FER: variants seen among roughly 807,000 people sequenced by gnomAD.
FER encodes the protein tyrosine-protein kinase Fer.
A neutral mutation model predicts 111.0 loss-of-function variants in FER; 63 were observed. That is an observed-to-expected ratio of 0.57 (90% CI 0.46 to 0.70). FER has a LOEUF of 0.70. FER is among the 30% of genes least tolerant of loss of function. The pLI is 0.00. For missense variants in FER, 914 were observed against 954.0 expected (o/e 0.96, Z 0.55); for synonymous variants, 327 against 313.9 (o/e 1.04, Z -0.44).
At chr5:108,811,791 C>G (rs2150078737) in intron 3 of FER, among the ~76,000 whole-genome samples, 1 of 152,234 alleles carries the variant, frequency 6.6e-6, no homozygotes, top group East Asian at 1.9e-4. Flanking sequence ...GGCCCAAAAA[C>G]CTAGAGTTCT....
Position 109,050,182 on chromosome 5 carries a change from A to G in FER, c.1924+2984A>G, listed in dbSNP as rs368645196. Among the ~76,000 whole-genome samples the G allele has an allele frequency of 2.4e-4, 36 of 150,750 alleles. 1 individual carries two copies. The highest frequency in any genetic ancestry group is 8.5e-4 in the African/African-American group (35 of 41,252). The stretch of plus-strand genomic sequence containing the variant: ...AAAGGAAATTCATTTCAGTAATAGC[A>G]TTACTGCTATATCCTAAAAAAAAGA... On this transcript the variant is annotated intron_variant, in intron 16 of 19. Coordinates refer to ENST00000281092, the MANE Select transcript of FER (RefSeq NM_005246.4).
intron 5 of FER, among the ~76,000 whole-genome samples, chr5:108,866,264 G>A (rs1764045741): frequency 6.6e-6 from 1 of 152,126 alleles, no homozygotes; most frequent in South Asian, 2.1e-4. Flanking sequence ...CATAAAAAAG[G>A]ATGAGTTCAT....
At chr5:108,842,048 AT>A (rs1297865152) in intron 5 of FER, among the ~76,000 whole-genome samples, 2 of 152,130 alleles carry the variant, frequency 1.3e-5, no homozygotes, top group Non-Finnish European at 2.9e-5. Flanking sequence ...TGAAATTGTG[AT>A]TTTTTTGATG....
chr5:109,121,936 A>G (rs1751031350), intron 17 of FER, among the ~76,000 whole-genome samples: 1 of 152,096 alleles, frequency 6.6e-6, no homozygotes, highest in Admixed American at 6.5e-5. Context: ...AGTATCAGTT[A>G]TAATGTTTCC....
intron 16 of FER, among the ~76,000 whole-genome samples, chr5:109,050,275 A>G (rs748652562): frequency 6.6e-6 from 1 of 152,236 alleles, no homozygotes. Flanking sequence ...AAAACATTTT[A>G]GGAGAAAAAA....
At chr5:108,760,360 G>A (rs1751594284) in intron 1 of FER, among the ~76,000 whole-genome samples, 1 of 152,172 alleles carries the variant, frequency 6.6e-6, no homozygotes, top group African/African-American at 2.4e-5. Flanking sequence ...AAAGTCACCA[G>A]CTGCATTAGC....
At chr5:109,036,822 A>T (rs1770471718) in intron 13 of FER, among the ~76,000 whole-genome samples, 1 of 151,952 alleles carries the variant, frequency 6.6e-6, no homozygotes, top group South Asian at 2.1e-4. Flanking sequence ...AGATAATGGG[A>T]TGCTCTCTTT....
At chr5:109,051,930 A>G (rs1247593336) in intron 16 of FER, 4 of 1,582,106 alleles carry the variant, frequency 2.5e-6, no homozygotes, top group Non-Finnish European at 3.5e-6. Context: ...AGCTGAATCC[A>G]TAGATGTACC....
intron 8 of FER, among the ~76,000 whole-genome samples, chr5:108,873,761 A>G (rs576248026): frequency 6.6e-6 from 1 of 152,186 alleles, no homozygotes; most frequent in Admixed American, 6.5e-5. Context: ...TCCAGGGGAC[A>G]TTTGACAGTA....
At chr5:108,820,423 C>T (rs1052866357) in intron 3 of FER, 15 of 985,244 alleles carry the variant, frequency 1.5e-5, no homozygotes, top group Non-Finnish European at 1.6e-5. Context: ...TTTCTGGTTA[C>T]TGTTCTTCAA....
intron 5 of FER, among the ~76,000 whole-genome samples, chr5:108,838,801 A>G (rs1414885166): frequency 2.0e-5 from 3 of 152,160 alleles, no homozygotes; most frequent in African/African-American, 4.8e-5. Flanking sequence ...TACACCTTAA[A>G]CATTCTAAAA....
chr5:108,905,814 T>A (rs546058428), intron 10 of FER, among the ~76,000 whole-genome samples: 8 of 152,340 alleles, frequency 5.3e-5, no homozygotes, highest in African/African-American at 1.4e-4. Flanking sequence ...CAAAAGCAGG[T>A]TAAAATTGAT....
intron 2 of FER, among the ~76,000 whole-genome samples, chr5:108,779,971 T>C (rs959733849): frequency 6.6e-6 from 1 of 152,214 alleles, no homozygotes; most frequent in Admixed American, 6.5e-5. Context: ...AGCATATATC[T>C]GTATACACAC....
chr5:109,053,035 T>G (rs935633540), intron 16 of FER, among the ~76,000 whole-genome samples: 6 of 152,184 alleles, frequency 3.9e-5, no homozygotes, highest in Admixed American at 1.3e-4. Context: ...GTATTTCAAA[T>G]AATGATATAA....
At chr5:109,049,203 A>AT (rs970630230) in intron 16 of FER, among the ~76,000 whole-genome samples, 3 of 152,138 alleles carry the variant, frequency 2.0e-5, no homozygotes, top group South Asian at 2.1e-4. Context: ...AGTGACACCC[A>AT]TTTTTTACCT....
chr5:109,046,488 T>C (rs966131756), intron 15 of FER, among the ~76,000 whole-genome samples: 3 of 152,176 alleles, frequency 2.0e-5, no homozygotes, highest in Admixed American at 6.5e-5. Context: ...AACTAGTTTT[T>C]AACATGGTTG....
At chr5:108,857,275 A>T (rs1222516598) in intron 5 of FER, among the ~76,000 whole-genome samples, 10 of 152,130 alleles carry the variant, frequency 6.6e-5, no homozygotes, top group Non-Finnish European at 1.5e-5. Flanking sequence ...CAAAACATTG[A>T]CATTTTTGAG....
intron 17 of FER, among the ~76,000 whole-genome samples, chr5:109,121,781 T>C (rs777715052): frequency 6.6e-6 from 1 of 152,140 alleles, no homozygotes; most frequent in Admixed American, 6.5e-5. Flanking sequence ...TTACTTGTTA[T>C]TGGTCTGTTC....
At chr5:109,017,524 T>C (rs1581669673) in intron 13 of FER, among the ~76,000 whole-genome samples, 1 of 151,974 alleles carries the variant, frequency 6.6e-6, no homozygotes. Context: ...CTTTCTGTTA[T>C]TCATTGTTGA....
Sources: gnomAD v4.1 joint callset for allele counts (sites outside exome capture counted in the v4.1 genomes callset) on GRCh38, gnomAD v4.1.1 for gene constraint, MANE v1.5 for transcripts, NCBI Gene and HGNC (gene_info 2026-07-23, HGNC 2026-07-21) for gene names.